Variants in SH3BGRL2 observed in about 807,000 individuals in gnomAD.
The protein encoded by SH3BGRL2 is SH3 domain binding glutamate rich protein like 2, also known as SH3 domain-binding glutamic acid-rich-like protein 2.
In SH3BGRL2, 21 loss-of-function variants were observed where a neutral mutation model predicts 14.8. That is an observed-to-expected ratio of 1.42 (90% CI 1.01 to 2.05). The LOEUF is 2.05. Among genes scored for constraint, SH3BGRL2 ranks in the 30% most tolerant of loss-of-function variants. The probability of loss-of-function intolerance (pLI) is 0.00; values close to 1 mark genes in which losing one functional copy is unlikely to be tolerated. For synonymous variants in SH3BGRL2, 50 were observed against 47.8 expected (o/e 1.05, Z -0.19); for missense variants, 147 against 130.8 (o/e 1.12, Z -0.61).
chr6:79,549,768 T>A, the SH3BGRL2 span, among the ~76,000 whole-genome samples: 1 of 152,196 alleles, frequency 6.6e-6, no homozygotes, highest in Admixed American at 6.5e-5. Context: ...AGATACTGTC[T>A]AAAATTAGTA....
At chr6:79,611,985 G>A in the SH3BGRL2 span, among the ~76,000 whole-genome samples, 1 of 152,160 alleles carries the variant, frequency 6.6e-6, no homozygotes, top group African/African-American at 2.4e-5. Flanking sequence ...TGTGATGTTA[G>A]ACAAGGCTGG....
At chr6:79,649,876 A>G (rs1282360519) in intron 1 of SH3BGRL2, among the ~76,000 whole-genome samples, 2 of 152,132 alleles carry the variant, frequency 1.3e-5, no homozygotes, top group African/African-American at 4.8e-5. Context: ...GGAAGTGTCT[A>G]GCACAATGAA....
At chr6:79,662,560 T>A (rs547105786) in intron 1 of SH3BGRL2, among the ~76,000 whole-genome samples, 15 of 152,186 alleles carry the variant, frequency 9.9e-5, no homozygotes, top group Non-Finnish European at 2.1e-4. Context: ...CCGACCTTTC[T>A]CTCTGGCCGC....
At chr6:79,688,227 A>G (rs926394488) in intron 2 of SH3BGRL2, among the ~76,000 whole-genome samples, 5 of 151,934 alleles carry the variant, frequency 3.3e-5, no homozygotes, top group African/African-American at 1.2e-4. Flanking sequence ...ACAAAAAACC[A>G]CAACTGTTCA....
intron 1 of SH3BGRL2, among the ~76,000 whole-genome samples, chr6:79,645,554 A>G (rs956983350): frequency 2.0e-5 from 3 of 152,112 alleles, no homozygotes; most frequent in Non-Finnish European, 2.9e-5. Context: ...ACTCTGAGCC[A>G]TTTGTTACTG....
At chr6:79,610,842 T>A in the SH3BGRL2 span, among the ~76,000 whole-genome samples, 15 of 152,320 alleles carry the variant, frequency 9.8e-5, no homozygotes, top group African/African-American at 3.4e-4. Flanking sequence ...CTGTTGCATA[T>A]CATCTGACAG....
intron 2 of SH3BGRL2, among the ~76,000 whole-genome samples, chr6:79,687,604 G>A (rs1470052879): frequency 2.6e-5 from 4 of 152,182 alleles, no homozygotes; most frequent in African/African-American, 9.7e-5. Context: ...ATTTCATAAA[G>A]TAGACTATAG....
At chr6:79,643,018 C>T (rs1445168902) in intron 1 of SH3BGRL2, among the ~76,000 whole-genome samples, 1 of 152,072 alleles carries the variant, frequency 6.6e-6, no homozygotes, top group South Asian at 2.1e-4. Flanking sequence ...GAAGAGGGGA[C>T]CCATTGTGCT....
chr6:79,609,016 G>C, the SH3BGRL2 span, among the ~76,000 whole-genome samples: 1 of 152,118 alleles, frequency 6.6e-6, no homozygotes, highest in African/African-American at 2.4e-5. Flanking sequence ...AGCACTCTAT[G>C]GTCTTAACAC....
chr6:79,593,682 T>G, the SH3BGRL2 span, among the ~76,000 whole-genome samples: 1 of 152,344 alleles, frequency 6.6e-6, no homozygotes, highest in African/African-American at 2.4e-5. Context: ...AGGTTTGTAG[T>G]CATTTTTCAT....
chr6:79,671,820 A>G (rs1241830787), intron 1 of SH3BGRL2, among the ~76,000 whole-genome samples: 2 of 152,146 alleles, frequency 1.3e-5, no homozygotes, highest in African/African-American at 4.8e-5. Flanking sequence ...GTTCCAGGCC[A>G]TGTTCACCTC....
the SH3BGRL2 span, among the ~76,000 whole-genome samples, chr6:79,550,726 A>C: frequency 6.6e-6 from 1 of 152,154 alleles, no homozygotes; most frequent in Non-Finnish European, 1.5e-5. Flanking sequence ...TCAGAAAGTA[A>C]TAGCCGTCAT....
intron 1 of SH3BGRL2, among the ~76,000 whole-genome samples, chr6:79,673,058 A>T (rs1313483475): frequency 6.6e-6 from 1 of 152,046 alleles, no homozygotes. Context: ...ATGAAATGTC[A>T]ACATCTCAGA....
chr6:79,692,722 G>A (rs1458779904), intron 2 of SH3BGRL2, among the ~76,000 whole-genome samples: 1 of 152,170 alleles, frequency 6.6e-6, no homozygotes, highest in Non-Finnish European at 1.5e-5. Context: ...CTATATCTCT[G>A]TTTTGGTACC....
At chr6:79,590,942 A>G in the SH3BGRL2 span, among the ~76,000 whole-genome samples, 1 of 152,230 alleles carries the variant, frequency 6.6e-6, no homozygotes, top group African/African-American at 2.4e-5. Flanking sequence ...ATTTTTTAAA[A>G]TTTTTGTATC....
At chr6:79,624,383 C>A in the SH3BGRL2 span, among the ~76,000 whole-genome samples, 1 of 150,280 alleles carries the variant, frequency 6.7e-6, no homozygotes, top group African/African-American at 2.4e-5. Context: ...TAATATATAA[C>A]CAAAAAAGAT....
chr6:79,653,681 G>C (rs973244449), intron 1 of SH3BGRL2, among the ~76,000 whole-genome samples: 9 of 152,214 alleles, frequency 5.9e-5, no homozygotes, highest in Non-Finnish European at 4.4e-5. Context: ...GCAGTGAAGT[G>C]AGGAAAGAGA....
intron 1 of SH3BGRL2, among the ~76,000 whole-genome samples, chr6:79,668,416 C>T (rs1259879878): frequency 6.6e-6 from 1 of 152,062 alleles, no homozygotes; most frequent in Non-Finnish European, 1.5e-5. Flanking sequence ...AGTCAGGAGA[C>T]CCCGCAGCTT....
chr6:79,568,982 A>G, the SH3BGRL2 span, among the ~76,000 whole-genome samples: 1 of 152,208 alleles, frequency 6.6e-6, no homozygotes, highest in Non-Finnish European at 1.5e-5. Flanking sequence ...AAATATGAGT[A>G]AGCATGGCCT....
Sources: allele counts gnomAD v4.1 joint callset (sites outside exome capture counted in the v4.1 genomes callset), GRCh38; gene constraint gnomAD v4.1.1; transcripts MANE v1.5; gene names NCBI Gene and HGNC (gene_info 2026-07-23, HGNC 2026-07-21).